DOCK10: variants seen among roughly 807,000 people sequenced by gnomAD.
DOCK10 encodes dedicator of cytokinesis 10.
Under a neutral mutation model 280.1 loss-of-function variants are expected in DOCK10, and 145 were observed. That is an observed-to-expected ratio of 0.52 (90% CI 0.45 to 0.59). The LOEUF is 0.59. Among genes scored for constraint, DOCK10 ranks in the 20% least tolerant of loss-of-function variants. DOCK10 has a pLI of 0.00. For missense variants in DOCK10, 2,368 were observed against 2,651.7 expected, an observed-to-expected ratio of 0.89 and a Z score of 2.35; for synonymous variants, 915 against 942.2, an observed-to-expected ratio of 0.97 and a Z score of 0.53.
At chr2:224,863,702 C>T (rs1387204999) in intron 13 of DOCK10, among the ~76,000 whole-genome samples, 1 of 152,192 alleles carries the variant, frequency 6.6e-6, no homozygotes, top group Admixed American at 6.5e-5. Context: ...TCGCCTGCCT[C>T]AACCTCCCAA....
rs771367544 is a variant in DOCK10 at position 224,855,065 on chromosome 2, A to ACACG, written c.1809-24_1809-23insCGTG. The ACACG allele has an allele frequency of 7.7e-6, 5 of 652,076 alleles. No individual in the cohort carries two copies. The South Asian group carries it at 8.1e-5, about 11-fold the overall frequency. 40.4% of individuals were successfully genotyped at this position (652,076 alleles called of 1,614,324 possible). On this transcript the variant is annotated intron_variant, in intron 15 of 55. Coordinates refer to ENST00000258390, the MANE Select transcript of DOCK10 (RefSeq NM_014689.3). Reference sequence around the variant, plus strand: ...GCCCTGTAAGAGTGCATGAGCAAGGACACACACACACACACACACACACAC... The same window carrying ACACG: ...GCCCTGTAAGAGTGCATGAGCAAGGACACGCACACACACACACACACACACACAC...
intron 1 of DOCK10, among the ~76,000 whole-genome samples, chr2:224,979,866 CAG>C (rs1362161138): frequency 6.6e-6 from 1 of 151,586 alleles, no homozygotes; most frequent in Non-Finnish European, 1.5e-5. Context: ...AAAAGAGACA[CAG>C]AGATGTTAAA....
intron 40 of DOCK10, 67 bp from the exon 41 acceptor site, chr2:224,800,330 C>T: frequency 3.5e-6 from 3 of 867,418 alleles, no homozygotes; most frequent in Non-Finnish European, 5.4e-6. Flanking sequence ...TAAAGGATTT[C>T]CTTTCATTAC....
At chr2:224,925,996 T>C (rs766394098) in intron 2 of DOCK10, among the ~76,000 whole-genome samples, 2 of 152,216 alleles carry the variant, frequency 1.3e-5, no homozygotes, top group Non-Finnish European at 2.9e-5. Flanking sequence ...TTATTTTTTG[T>C]TTTGTTTTAA....
In DOCK10 at chr2:224,774,988, A is replaced by T. The variant is rs1463259665; in HGVS notation, c.5930T>A (p.Phe1977Tyr). Residue 1977 changes from phenylalanine (F) to tyrosine (Y), a missense_variant, in exon 52 of 56, where the codon TTT (phenylalanine) becomes TAT (tyrosine). Physicochemically the swap from Phe to Tyr is conservative, Grantham distance 22. Around this residue, in one of 2 missense-constraint regions of DOCK10, gnomAD observed 1,159 missense variants for 1,400.8 expected, o/e 0.83. Coordinates refer to ENST00000258390, the MANE Select transcript of DOCK10 (RefSeq NM_014689.3). ...CAGCGTGAAGGGTGTCTCGAAGACA[A>T]AGCGGTTGATGTTGTGGTGCATTTC... Reference protein sequence around the residue: ...DFEMHHNINRFVFETPFTLSG... With the variant: ...DFEMHHNINRYVFETPFTLSG... The T allele has an allele frequency of 6.2e-7, 1 of 1,613,434 alleles. No homozygotes were observed. Among genetic ancestry groups the T allele is most frequent in the Non-Finnish European group, 8.5e-7 (1 of 1,179,674 alleles).
chr2:224,852,895 G>T, intron 17 of DOCK10, 40 bp downstream of exon 17: 1 of 1,486,890 alleles, frequency 6.7e-7, no homozygotes, highest in Non-Finnish European at 9.1e-7. Flanking sequence ...TCTAAATACG[G>T]TGAAAAGAAA....
chr2:224,957,287 C>CCA (rs1553622540), intron 1 of DOCK10, among the ~76,000 whole-genome samples: 1 of 143,192 alleles, frequency 7.0e-6, no homozygotes, highest in Admixed American at 6.8e-5. Context: ...TACTTTCCGC[C>CCA]CCCCCCCGGC....
At position 224,840,275 on chromosome 2, in the gene DOCK10, G is replaced by C. The variant is rs572637629; in HGVS notation, c.2662-203C>G. Reference sequence around the variant, plus strand: ...GACAAATGGCATATCAAACTAAAAGGTTTCAGCACAGCCAAGGAAACACTC... The same window carrying C: ...GACAAATGGCATATCAAACTAAAAGCTTTCAGCACAGCCAAGGAAACACTC... On this transcript the variant is annotated intron_variant, in intron 23 of 55. Coordinates refer to ENST00000258390, the MANE Select transcript of DOCK10 (RefSeq NM_014689.3). 6.7e-6 allele frequency: 3 copies of C among 447,138 alleles called. No individual in the cohort carries two copies. The East Asian group carries it at 1.0e-4, about 15-fold the overall frequency. 27.7% of individuals were successfully genotyped at this position (447,138 alleles called of 1,614,324 possible).
At chr2:224,918,851 G>T (rs1359006139) in intron 2 of DOCK10, among the ~76,000 whole-genome samples, 1 of 147,966 alleles carries the variant, frequency 6.8e-6, no homozygotes, top group East Asian at 2.0e-4. Context: ...CATGTGTGGT[G>T]TGTGTGTGGC....
At chr2:224,999,045 G>C (rs981774730) in intron 1 of DOCK10, among the ~76,000 whole-genome samples, 5 of 152,098 alleles carry the variant, frequency 3.3e-5, no homozygotes, top group African/African-American at 1.2e-4. Flanking sequence ...AAGTTAGCTG[G>C]GTGTGATGGT....
chr2:224,903,164 A>G (rs151291453), intron 3 of DOCK10, among the ~76,000 whole-genome samples: 2,724 of 152,370 alleles, frequency 0.018, 38 homozygotes, highest in Non-Finnish European at 0.025. Flanking sequence ...AGGCAGAAGT[A>G]CAAATAATGA....
chr2:224,918,916 GGTATGTGTGGTGT>G (rs1701505558), intron 2 of DOCK10, among the ~76,000 whole-genome samples: 1 of 146,374 alleles, frequency 6.8e-6, no homozygotes, highest in African/African-American at 2.5e-5. Flanking sequence ...TGGTGTGTGT[GGTATGTGTGGTGT>G]GTATGTGTGG....
At chr2:224,892,441 G>GAAAAGAAAAGAAAAGAAAAA (rs1699749889) in intron 4 of DOCK10, among the ~76,000 whole-genome samples, 1 of 136,388 alleles carries the variant, frequency 7.3e-6, no homozygotes, top group African/African-American at 2.7e-5. Context: ...GAAAAGAAAA[G>GAAAAGAAAAGAAAAGAAAAA]AAAAGAAAAA....
In DOCK10 at chr2:224,770,427, C is replaced by A; in HGVS notation, c.6306-78G>T. ...AGCTCAGTGACTGTGAGTTCAGAGT[C>A]AGGCTGCTGATGGACTCTGCCACCT... On this transcript the variant is annotated intron_variant, in intron 54 of 55. Coordinates refer to ENST00000258390, the MANE Select transcript of DOCK10 (RefSeq NM_014689.3). The surrounding 1 kb of genome is among the most constrained non-coding windows in gnomAD (Gnocchi z 4.5). The A allele has an allele frequency of 6.4e-7, 1 of 1,561,696 alleles. No individual in the cohort carries two copies.
Position 224,787,101 on chromosome 2 carries a change from G to T in DOCK10, c.5576C>A (p.Ser1859Ter). 6.2e-7 allele frequency: 1 copy of T among 1,613,958 alleles called. No homozygotes were observed. The highest frequency in any genetic ancestry group is 1.1e-5 in the South Asian group (1 of 91,054). Residue 1859 changes from serine to a stop codon, truncating the protein, a stop_gained, in exon 50 of 56, where the codon TCA (serine) becomes TAA (stop). Coordinates refer to ENST00000258390, the MANE Select transcript of DOCK10 (RefSeq NM_014689.3). LOFTEE classifies it high-confidence loss of function. ...LSDLYYDIHR[S>*]YLKVAEVVNS... ...CACCACCTCTGCCACTTTCAGATAT[G>T]ACCGATGAATGTCGTAGTAGAGATC...
chr2:224,855,113 C>T (rs539240098), intron 15 of DOCK10, 71 bp from the exon 16 acceptor site: 1 of 877,670 alleles, frequency 1.1e-6, no homozygotes, highest in South Asian at 2.3e-5. Context: ...AGTATTATTC[C>T]AATTTTCAAG....
chr2:224,826,230 A>C (rs1392228973), intron 27 of DOCK10, among the ~76,000 whole-genome samples: 1 of 151,908 alleles, frequency 6.6e-6, no homozygotes, highest in East Asian at 1.9e-4. Context: ...CATCCAGCTA[A>C]CTTTTGTATT....
rs66902027 is a variant in DOCK10, at chr2:224,830,617, TG to T, written c.2965-6del. ...TGCAAAGAAGAACCAGGAATGCTGT[TG>T]GGAAAAAAAAGGCAACGAGACATTT... On this transcript the variant is annotated splice_polypyrimidine_tract_variant and splice_region_variant and intron_variant, in intron 26 of 55. Transcript: ENST00000258390. 162,885 of 1,513,402 alleles carry T rather than the reference TG, an allele frequency of 0.11. 11,680 individuals are homozygous for T. The highest frequency in any genetic ancestry group is 0.36 in the African/African-American group (26,515 of 72,698). 93.7% of individuals were successfully genotyped at this position (1,513,402 alleles called of 1,614,324 possible).
intron 27 of DOCK10, among the ~76,000 whole-genome samples, chr2:224,827,150 C>A (rs1388403059): frequency 6.6e-6 from 1 of 151,260 alleles, no homozygotes; most frequent in Non-Finnish European, 1.5e-5. Context: ...GTAATCCAAG[C>A]TGCTTGGGAG....
Sources: allele counts gnomAD v4.1 joint callset (sites outside exome capture counted in the v4.1 genomes callset), GRCh38; gene constraint gnomAD v4.1.1; regional missense constraint gnomAD v4.1.1; non-coding constraint Gnocchi (gnomAD v3.1); transcripts MANE v1.5; gene names NCBI Gene and HGNC (gene_info 2026-07-23, HGNC 2026-07-21).